ZNF490: variants seen among roughly 807,000 people sequenced by gnomAD.
ZNF490 encodes zinc finger protein 490.
Under a neutral mutation model 17.7 loss-of-function variants are expected in ZNF490, and 11 were observed. That is an observed-to-expected ratio of 0.62 (90% CI 0.39 to 1.03). The LOEUF is 1.03. Ranked by LOEUF, ZNF490 falls within the 50% of genes least tolerant of loss-of-function variation. The pLI, the probability that ZNF490 is intolerant of heterozygous loss-of-function variation, is 0.00. For missense variants in ZNF490, 542 were observed against 643.4 expected, an observed-to-expected ratio of 0.84 and a Z score of 1.71; for synonymous variants, 222 against 216.1, an observed-to-expected ratio of 1.03 and a Z score of -0.24.
intron 2 of ZNF490, among the ~76,000 whole-genome samples, chr19:12,605,958 G>A (rs757451470): frequency 2.6e-5 from 4 of 151,386 alleles, no homozygotes; most frequent in African/African-American, 4.9e-5. Flanking sequence ...TTGGCTCACC[G>A]CAACCTCCAC....
At chr19:12,595,171 C>T (rs768145340) in intron 2 of ZNF490, among the ~76,000 whole-genome samples, 12 of 151,858 alleles carry the variant, frequency 7.9e-5, no homozygotes, top group Admixed American at 4.6e-4. Flanking sequence ...GACCGAGTTT[C>T]GCTCTTGTTG....
rs1212474180 is a variant in ZNF490, at chr19:12,581,074, A to G, written c.1001T>C (p.Phe334Ser). 2 of 1,613,908 alleles carry G rather than the reference A, an allele frequency of 1.2e-6. No homozygotes were observed. Among genetic ancestry groups the G allele is most frequent in the African/African-American group, 1.3e-5 (1 of 74,974 alleles). ...GGCTCTCCCACATTCCCTACATACA[A>G]AAGGTTTCTCTCCAGTATGAGTTTT... ...HEKTHTGEKP[F>S]VCRECGRAFF... is the part of the protein sequence containing the mutation. Residue 334 changes from phenylalanine to serine, a missense_variant, in exon 5 of 5, where the codon TTT becomes TCT. Physicochemically the swap from Phe to Ser is radical, Grantham distance 155. Coordinates refer to ENST00000311437, the MANE Select transcript of ZNF490 (RefSeq NM_020714.3).
chr19:12,582,426 C>T (rs1464813927), intron 4 of ZNF490, among the ~76,000 whole-genome samples: 2 of 151,790 alleles, frequency 1.3e-5, no homozygotes, highest in African/African-American at 2.4e-5. Flanking sequence ...GACGGAGTCT[C>T]GCTCTGTCAC....
At chr19:12,593,127 C>A (rs1212564093) in intron 2 of ZNF490, among the ~76,000 whole-genome samples, 1 of 152,180 alleles carries the variant, frequency 6.6e-6, no homozygotes, top group Non-Finnish European at 1.5e-5. Flanking sequence ...GGAACTCTTG[C>A]ACGAATATGA....
intron 2 of ZNF490, among the ~76,000 whole-genome samples, chr19:12,589,949 C>G (rs2022849074): frequency 6.6e-6 from 1 of 152,104 alleles, no homozygotes; most frequent in Non-Finnish European, 1.5e-5. Context: ...GAGTCTCACT[C>G]TGTCACCCAG....
At chr19:12,582,193 G>C (rs771830326) in intron 4 of ZNF490, among the ~76,000 whole-genome samples, 1 of 151,960 alleles carries the variant, frequency 6.6e-6, no homozygotes, top group Admixed American at 6.6e-5. Flanking sequence ...GAGCCACTGC[G>C]CCCAGCCAGG....
chr19:12,606,559 G>A (rs1320598171), intron 2 of ZNF490, among the ~76,000 whole-genome samples: 1 of 151,810 alleles, frequency 6.6e-6, no homozygotes, highest in Non-Finnish European at 1.5e-5. Flanking sequence ...TGGCCAGGCT[G>A]GTCTTGAACT....
chr19:12,584,786 C>G lies in ZNF490; in HGVS notation c.163-1230G>C, dbSNP rs1256117134. ...CACTGGCCATGTTGCCCTGAAGGAT[C>G]TCGGGCCATTAGAACCATGCAAATC... is the stretch of plus-strand genomic sequence containing the variant. On this transcript the variant is annotated intron_variant, in intron 2 of 4. Coordinates refer to ENST00000311437, the MANE Select transcript of ZNF490 (RefSeq NM_020714.3). Among the ~76,000 whole-genome samples, 2 of 94,238 alleles carry G rather than the reference C, an allele frequency of 2.1e-5. 1 individual carries two copies. Among genetic ancestry groups the G allele is most frequent in the African/African-American group, 6.4e-5 (2 of 31,406 alleles). 61.8% of individuals were successfully genotyped at this position (94,238 alleles called of 152,430 possible).
In ZNF490 at chr19:12,578,304, G is replaced by A; in HGVS notation, c.*2181C>T. ...TGTCCTACAGCTAAGACATGGCAGA[G>A]TGTGTCTGTGACTCCACTAGCAGTT... On this transcript the variant is annotated 3_prime_UTR_variant, in exon 5 of 5. Coordinates refer to ENST00000311437, the MANE Select transcript of ZNF490 (RefSeq NM_020714.3). The A allele has an allele frequency of 1.0e-6, 1 of 985,656 alleles. No individual in the cohort carries two copies. Among genetic ancestry groups the A allele is most frequent in the Non-Finnish European group, 1.2e-6 (1 of 830,066 alleles). The allele number at this position is 985,656 out of a possible 1,614,324, so 61.1% of individuals were successfully genotyped here.
intron 2 of ZNF490, among the ~76,000 whole-genome samples, chr19:12,590,590 T>A (rs558775507): frequency 6.6e-6 from 1 of 152,198 alleles, no homozygotes; most frequent in Admixed American, 6.5e-5. Flanking sequence ...ATAAAAGATA[T>A]ACCAACTGGG....
chr19:12,596,594 C>G (rs561262169), intron 2 of ZNF490, among the ~76,000 whole-genome samples: 2 of 152,168 alleles, frequency 1.3e-5, no homozygotes, highest in African/African-American at 4.8e-5. Context: ...GCGGGAGGAT[C>G]GCTTGAGATG....
intron 2 of ZNF490, among the ~76,000 whole-genome samples, chr19:12,596,658 G>A (rs2022937413): frequency 1.3e-5 from 2 of 152,120 alleles, no homozygotes; most frequent in Non-Finnish European, 2.9e-5. Flanking sequence ...CTGCGAGACC[G>A]TGTCAAAAAC....
intron 2 of ZNF490, among the ~76,000 whole-genome samples, chr19:12,591,901 G>A (rs974482775): frequency 6.0e-5 from 9 of 151,024 alleles, no homozygotes; most frequent in African/African-American, 2.2e-4. Flanking sequence ...ACTAAAAAGA[G>A]TTGAAAATTT....
chr19:12,580,474 A>G lies in ZNF490; in HGVS notation c.*11T>C, dbSNP rs369548403. The G allele has an allele frequency of 7.0e-6, 11 of 1,566,766 alleles. No individual in the cohort carries two copies. In the African/African-American group the frequency reaches 1.2e-4, roughly 17 times the overall value. ...CTAATACAACTGACAGCATTACCAC[A>G]CTTTACTTTCTTAGGGCTTCTGTCT... On this transcript the variant is annotated 3_prime_UTR_variant, in exon 5 of 5. Coordinates refer to ENST00000311437, the MANE Select transcript of ZNF490 (RefSeq NM_020714.3).
At chr19:12,587,778 C>G (rs1230653000) in intron 2 of ZNF490, among the ~76,000 whole-genome samples, 1 of 92,888 alleles carries the variant, frequency 1.1e-5, no homozygotes, top group Non-Finnish European at 2.9e-5. Flanking sequence ...TCACTGCAAC[C>G]TCCACCTCCC....
At position 12,578,789 on chromosome 19, in the gene ZNF490, C is replaced by T. The variant is rs969452002; in HGVS notation, c.*1696G>A. The T allele has an allele frequency of 2.0e-6, 2 of 985,480 alleles. No individual in the cohort carries two copies. Among genetic ancestry groups the T allele is most frequent in the South Asian group, 4.7e-5 (1 of 21,292 alleles). The allele number at this position is 985,480 out of a possible 1,614,324, so 61.0% of individuals were successfully genotyped here. A position where few individuals can be genotyped will look rare whatever the true frequency, so the allele number is the denominator to read the frequency against. On this transcript the variant is annotated 3_prime_UTR_variant, in exon 5 of 5. Coordinates refer to ENST00000311437, the MANE Select transcript of ZNF490 (RefSeq NM_020714.3). Reference sequence around the variant, plus strand: ...CACTGCCCTAGAGGGTGTTTCCTAACTTCTGACTGGATGCCACAAAAGGCC... The same window carrying T: ...CACTGCCCTAGAGGGTGTTTCCTAATTTCTGACTGGATGCCACAAAAGGCC...
Position 12,578,111 on chromosome 19 carries a change from G to C in ZNF490, c.*2374C>G, listed in dbSNP as rs1228305065. On this transcript the variant is annotated 3_prime_UTR_variant, in exon 5 of 5. Coordinates refer to ENST00000311437, the MANE Select transcript of ZNF490 (RefSeq NM_020714.3). ...TGGGTCCTTTTCCAAGAAGAGCTAA[G>C]TGCTAGTCTTAGCGGGAGGCTAGGA... 1.0e-6 allele frequency: 1 copy of C among 985,518 alleles called. No individual in the cohort carries two copies. The highest frequency in any genetic ancestry group is 1.2e-6 in the Non-Finnish European group (1 of 830,014). 61.0% of individuals were successfully genotyped at this position (985,518 alleles called of 1,614,324 possible).
intron 2 of ZNF490, among the ~76,000 whole-genome samples, chr19:12,601,803 T>G (rs187716606): frequency 6.6e-6 from 1 of 151,608 alleles, no homozygotes; most frequent in Non-Finnish European, 1.5e-5. Flanking sequence ...CCATCCTGGC[T>G]AACATGGTGA....
intron 2 of ZNF490, among the ~76,000 whole-genome samples, chr19:12,606,721 T>G (rs2023072450): frequency 6.6e-6 from 1 of 152,112 alleles, no homozygotes. Context: ...AAGGAATCAC[T>G]GGAAGATTTT....
Sources: allele counts gnomAD v4.1 joint callset (sites outside exome capture counted in the v4.1 genomes callset), GRCh38; gene constraint gnomAD v4.1.1; transcripts MANE v1.5; gene names NCBI Gene and HGNC (gene_info 2026-07-23, HGNC 2026-07-21).